The following CSMD1 variants were observed in gnomAD, a reference collection of about 807,000 sequenced individuals.
CSMD1 encodes the protein CUB and sushi domain-containing protein 1.
CSMD1 carries 213 observed loss-of-function variants against 417.5 expected under a neutral mutation model. The ratio of observed to expected loss-of-function variants is 0.51; its 90% CI spans 0.46 to 0.57. CSMD1 has a LOEUF of 0.57. CSMD1 is among the 20% of genes least tolerant of loss of function. The pLI, the probability that CSMD1 is intolerant of heterozygous loss-of-function variation, is 0.00. For synonymous variants in CSMD1, 2,862 were observed against 1,736.8 expected, an observed-to-expected ratio of 1.65 and a Z score of -16.11; for missense variants, 6,923 against 4,529.7, an observed-to-expected ratio of 1.53 and a Z score of -15.17.
At chr8:3,703,221 T>C (rs1188989313) in intron 7 of CSMD1, among the ~76,000 whole-genome samples, 1 of 152,206 alleles carries the variant, frequency 6.6e-6, no homozygotes, top group Non-Finnish European at 1.5e-5. Flanking sequence ...AGTTGAAATA[T>C]CTCTAAAGAC....
In CSMD1 at chr8:3,341,071, G is replaced by C. The variant is rs141958029; in HGVS notation, c.3631+2223C>G. ...AGCTTTTACAAAGTTACTCAGTGAAGTGGAAGTGACCTCAAAACTTCCTAA... is the reference window on the plus strand; with the variant it reads ...AGCTTTTACAAAGTTACTCAGTGAACTGGAAGTGACCTCAAAACTTCCTAA... On this transcript the variant is annotated intron_variant, in intron 23 of 69. Transcript: ENST00000635120. Among the ~76,000 whole-genome samples, 776 of 152,324 alleles carry C rather than the reference G, an allele frequency of 5.1e-3. 3 individuals carry two copies. Among genetic ancestry groups the C allele is most frequent in the African/African-American group, 0.018 (739 of 41,574 alleles).
intron 1 of CSMD1, among the ~76,000 whole-genome samples, chr8:4,826,221 C>A (rs949601723): frequency 6.6e-6 from 1 of 151,826 alleles, no homozygotes; most frequent in African/African-American, 2.4e-5. Context: ...ATTGTCAAGA[C>A]ATGAAAGCAA....
chr8:4,385,248 T>G (rs1249847126), intron 3 of CSMD1, among the ~76,000 whole-genome samples: 1 of 152,198 alleles, frequency 6.6e-6, no homozygotes, highest in African/African-American at 2.4e-5. Flanking sequence ...AGTTCTTAAA[T>G]AGGTGTTTGA....
At chr8:4,584,538 C>T (rs747683517) in intron 2 of CSMD1, among the ~76,000 whole-genome samples, 4 of 152,058 alleles carry the variant, frequency 2.6e-5, no homozygotes, top group African/African-American at 4.8e-5. Flanking sequence ...GAGTTGGGAC[C>T]GTTGGTTTGC....
intron 2 of CSMD1, among the ~76,000 whole-genome samples, chr8:4,551,416 C>G (rs1419057669): frequency 1.3e-5 from 2 of 152,282 alleles, no homozygotes; most frequent in South Asian, 4.1e-4. Context: ...GGACTACTGT[C>G]CTTTCTTTTG....
At chr8:3,812,139 T>C (rs926867046) in intron 5 of CSMD1, among the ~76,000 whole-genome samples, 5 of 152,196 alleles carry the variant, frequency 3.3e-5, no homozygotes, top group Non-Finnish European at 5.9e-5. Flanking sequence ...TTTGTATTCA[T>C]ATTCACATGA....
At chr8:2,979,784 C>T (rs995897207) in intron 54 of CSMD1, among the ~76,000 whole-genome samples, 2 of 152,152 alleles carry the variant, frequency 1.3e-5, no homozygotes, top group African/African-American at 4.8e-5. Context: ...CTAAAACACC[C>T]CTGAGTTTAC....
At chr8:3,601,838 C>A (rs1273500432) in intron 8 of CSMD1, among the ~76,000 whole-genome samples, 5 of 152,128 alleles carry the variant, frequency 3.3e-5, no homozygotes, top group African/African-American at 9.7e-5. Context: ...TCTGTTTCCC[C>A]CTACGTCTTC....
At chr8:3,946,266 G>T (rs899882203) in intron 5 of CSMD1, among the ~76,000 whole-genome samples, 1 of 152,026 alleles carries the variant, frequency 6.6e-6, no homozygotes, top group South Asian at 2.1e-4. Context: ...CCATATTAGA[G>T]AACACAGTAA....
intron 2 of CSMD1, among the ~76,000 whole-genome samples, chr8:4,507,663 G>A (rs558237215): frequency 1.2e-4 from 19 of 152,244 alleles, no homozygotes; most frequent in African/African-American, 4.6e-4. Flanking sequence ...GGAGATATCT[G>A]AGCAAGGCAA....
At chr8:4,201,501 G>A (rs919409823) in intron 3 of CSMD1, among the ~76,000 whole-genome samples, 1 of 118,028 alleles carries the variant, frequency 8.5e-6, no homozygotes, top group African/African-American at 3.3e-5. Flanking sequence ...TAGCGCCACT[G>A]CCGTCCGGCC....
In CSMD1 at chr8:4,519,742, CAAAAAAAAAAAAAAAAAAAAAAAA is replaced by C. The variant is rs57747377; in HGVS notation, c.303-99701_303-99678del. The stretch of plus-strand genomic sequence containing the variant: ...TAGGCAGCAGAGTCAGACTTCATCT[CAAAAAAAAAAAAAAAAAAAAAAAA>C]AAAAAAAAAAAAAAAATTCTTGCCT... On this transcript the variant is annotated intron_variant, in intron 2 of 69. Coordinates refer to ENST00000635120, the MANE Select transcript of CSMD1 (RefSeq NM_033225.6). Among the ~76,000 whole-genome samples, 9 of 80,368 alleles carry C rather than the reference CAAAAAAAAAAAAAAAAAAAAAAAA, an allele frequency of 1.1e-4. 1 individual carries two copies. Among genetic ancestry groups the C allele is most frequent in the South Asian group, 9.5e-4 (2 of 2,106 alleles). The allele number at this position is 80,368 out of a possible 152,430, so 52.7% of individuals were successfully genotyped here.
intron 10 of CSMD1, among the ~76,000 whole-genome samples, chr8:3,504,066 T>C (rs1030403320): frequency 6.6e-6 from 1 of 152,090 alleles, no homozygotes; most frequent in African/African-American, 2.4e-5. Context: ...ATTTGCTGTG[T>C]ATTTCAAAAT....
At chr8:3,185,395 G>C (rs927707012) in intron 36 of CSMD1, among the ~76,000 whole-genome samples, 1 of 152,114 alleles carries the variant, frequency 6.6e-6, no homozygotes, top group African/African-American at 2.4e-5. Flanking sequence ...GCATTTCCCT[G>C]CTAACTTTGG....
At chr8:4,060,889 A>T (rs1029400727) in intron 3 of CSMD1, among the ~76,000 whole-genome samples, 1 of 152,154 alleles carries the variant, frequency 6.6e-6, no homozygotes, top group African/African-American at 2.4e-5. Context: ...CAAAAAATAA[A>T]ACTCCCACTA....
chr8:4,618,842 T>C (rs1374941562), intron 2 of CSMD1, among the ~76,000 whole-genome samples: 2 of 152,172 alleles, frequency 1.3e-5, no homozygotes, highest in East Asian at 1.9e-4. Context: ...CTTACCTTAC[T>C]TTTAATGTGT....
Position 3,929,363 on chromosome 8 carries a change from T to C in CSMD1, c.818+68540A>G, listed in dbSNP as rs748230085. Among the ~76,000 whole-genome samples the C allele has an allele frequency of 1.4e-4, 21 of 150,630 alleles. 2 individuals are homozygous for C. Among genetic ancestry groups the C allele is most frequent in the Non-Finnish European group, 2.8e-4 (19 of 67,616 alleles). On this transcript the variant is annotated intron_variant, in intron 5 of 69. Coordinates refer to ENST00000635120, the MANE Select transcript of CSMD1 (RefSeq NM_033225.6). ...CATAATTTTTAATACTAGACATTAT[T>C]TGAAAAAGTTCGTGAATGTTCACAG...
intron 26 of CSMD1, among the ~76,000 whole-genome samples, chr8:3,258,143 T>G (rs924265784): frequency 1.3e-5 from 2 of 152,062 alleles, no homozygotes; most frequent in African/African-American, 4.8e-5. Context: ...AATATGAGAA[T>G]GAACAGGGTA....
At chr8:4,077,955 C>G (rs549221785) in intron 3 of CSMD1, among the ~76,000 whole-genome samples, 2 of 152,264 alleles carry the variant, frequency 1.3e-5, no homozygotes, top group East Asian at 1.9e-4. Flanking sequence ...CATACTCGCC[C>G]TGCATGTGTG....
Sources: gnomAD v4.1 joint callset for allele counts (sites outside exome capture counted in the v4.1 genomes callset) on GRCh38, gnomAD v4.1.1 for gene constraint, MANE v1.5 for transcripts, NCBI Gene and HGNC (gene_info 2026-07-23, HGNC 2026-07-21) for gene names.